The following SCML1 variants were observed in gnomAD, a reference collection of about 807,000 sequenced individuals.
SCML1 encodes the protein Scm polycomb group protein like 1, also known as sex comb on midleg-like protein 1.
For missense variants in SCML1, 137 were observed against 258.1 expected (o/e 0.53, Z 3.22); for synonymous variants, 104 against 103.6 (o/e 1.00, Z -0.02).
chrX:17,740,894 G>C (rs1184225011), intron 1 of SCML1, among the ~76,000 whole-genome samples: 2 of 112,378 alleles, frequency 1.8e-5, no homozygotes, highest in Non-Finnish European at 3.8e-5. Flanking sequence ...ATATGTACCA[G>C]AGATGTAAAC....
At chrX:17,746,767 C>T (rs1053572371) in intron 4 of SCML1, among the ~76,000 whole-genome samples, 1 of 111,581 alleles carries the variant, frequency 9.0e-6, no homozygotes. Flanking sequence ...GGTGCAGAGG[C>T]GAGCTGGGAA....
chrX:17,745,112 T>A (rs1416304380), intron 2 of SCML1: 2 of 134,391 alleles, frequency 1.5e-5, no homozygotes, highest in Non-Finnish European at 2.9e-5. Context: ...CACTGTTGGA[T>A]TATTTAGAAA....
intron 4 of SCML1, among the ~76,000 whole-genome samples, chrX:17,746,987 C>T (rs1305311070): frequency 3.6e-5 from 4 of 112,400 alleles, no homozygotes; most frequent in African/African-American, 1.3e-4. Context: ...AGAGGTGGCA[C>T]TCCAGCCTGC....
At chrX:17,753,038 T>G (rs996648835) in intron 7 of SCML1, among the ~76,000 whole-genome samples, 1 of 109,917 alleles carries the variant, frequency 9.1e-6, no homozygotes, top group African/African-American at 3.3e-5. Context: ...TTAAATTTCC[T>G]TTTTCTCAGA....
In SCML1 at chrX:17,751,799, C is replaced by T. The variant is rs1381851318; in HGVS notation, c.704-16C>T. 1 of 1,199,195 alleles carries T rather than the reference C, an allele frequency of 8.3e-7. No homozygotes were observed. Among genetic ancestry groups the T allele is most frequent in the Non-Finnish European group, 1.1e-6 (1 of 889,273 alleles). On this transcript the variant is annotated splice_polypyrimidine_tract_variant and intron_variant, in intron 6 of 7. Coordinates refer to ENST00000380041, the MANE Select transcript of SCML1 (RefSeq NM_001037540.3). ...TGTGATTTGTCTTTTTTTTCTTTTC[C>T]CCCTCTCCATTGAAGTTACAAGGTC... is the stretch of plus-strand genomic sequence containing the variant.
intron 7 of SCML1, among the ~76,000 whole-genome samples, chrX:17,752,583 T>C (rs2066721972): frequency 8.9e-6 from 1 of 112,356 alleles, no homozygotes; most frequent in South Asian, 3.7e-4. Flanking sequence ...TAAATAAAAT[T>C]TTATTTTTTA....
At position 17,750,194 on chromosome X, in the gene SCML1, A is replaced by G. The variant is rs1470435845; in HGVS notation, c.604A>G (p.Thr202Ala). The G allele has an allele frequency of 2.5e-6, 3 of 1,210,191 alleles. No homozygotes were observed. The African/African-American group carries it at 5.2e-5, about 21-fold the overall frequency. ...GCCGTATTATGCATCTGATGGTGCA[A>G]CGTATGGTTCTTCTTCAGGGCTCTG... ...CQPYYASDGA[T>A]YGSSSGLCLG... Residue 202 changes from threonine (T) to alanine (A), a missense_variant, in exon 6 of 8, where the codon ACG becomes GCG. Transcript: ENST00000380041.
At position 17,748,066 on chromosome X, in the gene SCML1, C is replaced by T. The variant is rs761382229; in HGVS notation, c.199-1334C>T. ...GCCCCCACTCTCAGAGTTCCAGGTT[C>T]CATAGGTCTGGGGTACAACCTGGCA... is the stretch of plus-strand genomic sequence containing the variant. On this transcript the variant is annotated intron_variant, in intron 4 of 7. Transcript: ENST00000380041. Among the ~76,000 whole-genome samples, 315 of 111,782 alleles carry T rather than the reference C, an allele frequency of 2.8e-3. 1 individual carries two copies. The highest frequency in any genetic ancestry group is 9.9e-3 in the African/African-American group (304 of 30,795).
chrX:17,745,828 G>T (rs986029423), intron 3 of SCML1, 190 bp from the exon 4 acceptor site: 3 of 326,650 alleles, frequency 9.2e-6, no homozygotes, highest in African/African-American at 5.5e-5. Flanking sequence ...TTCCTCAATT[G>T]TCAGTTTTTC....
At chrX:17,737,748 G>A (rs1289318556) in intron 1 of SCML1, 68 bp downstream of exon 1, 3 of 111,601 alleles carry the variant, frequency 2.7e-5, no homozygotes, top group African/African-American at 9.8e-5. Context: ...TTGGCTTAGG[G>A]GCCGGGGCTC....
At chrX:17,749,682 A>C (rs1384251122) in intron 5 of SCML1, 178 bp downstream of exon 5, 13 of 497,386 alleles carry the variant, frequency 2.6e-5, no homozygotes, top group Non-Finnish European at 4.3e-5. Context: ...TAGGTTTGAT[A>C]ATTTATGATG....
intron 7 of SCML1, among the ~76,000 whole-genome samples, chrX:17,752,752 A>G (rs1049689112): frequency 8.9e-6 from 1 of 111,745 alleles, no homozygotes; most frequent in East Asian, 2.8e-4. Flanking sequence ...GATTTTTAAT[A>G]TAGTAAGAAA....
intron 1 of SCML1, among the ~76,000 whole-genome samples, chrX:17,738,818 ATAAG>A (rs941249508): frequency 8.9e-6 from 1 of 112,850 alleles, no homozygotes; most frequent in Non-Finnish European, 1.9e-5. Flanking sequence ...TGTGGTAAAT[ATAAG>A]TGAGTTTCAT....
At chrX:17,743,935 T>A (rs1303521523) in intron 1 of SCML1, 136 bp from the exon 2 acceptor site, 1 of 308,792 alleles carries the variant, frequency 3.2e-6, no homozygotes, top group East Asian at 5.3e-5. Context: ...AAATTGGCCA[T>A]GGAAGAATTC....
chrX:17,742,582 C>T (rs1156924083), intron 1 of SCML1, among the ~76,000 whole-genome samples: 1 of 111,893 alleles, frequency 8.9e-6, no homozygotes, highest in Non-Finnish European at 1.9e-5. Flanking sequence ...TCTGGCTGAC[C>T]CCAACAGCCC....
In SCML1 at chrX:17,740,269, C is replaced by A. The variant is rs751895829; in HGVS notation, c.-117+2589C>A. On this transcript the variant is annotated intron_variant, in intron 1 of 7. Coordinates refer to ENST00000380041, the MANE Select transcript of SCML1 (RefSeq NM_001037540.3). ...TAAAGCCCAGCTCCTTGCATCATAC[C>A]CTGGTACCTAAAAGACATAAAAACT... Among the ~76,000 whole-genome samples, 21 of 111,422 alleles carry A rather than the reference C, an allele frequency of 1.9e-4. No individual in the cohort carries two copies. The South Asian group carries it at 7.6e-3, about 40-fold the overall frequency.
chrX:17,741,138 GACAA>G (rs2066591127), intron 1 of SCML1, among the ~76,000 whole-genome samples: 2 of 112,039 alleles, frequency 1.8e-5, no homozygotes, highest in Admixed American at 1.9e-4. Flanking sequence ...TTTTGTGGAA[GACAA>G]TTTTTCCACA....
chrX:17,737,563 C>G lies in SCML1; in HGVS notation c.-234C>G, dbSNP rs1413942947. 1 of 109,932 alleles carries G rather than the reference C, an allele frequency of 9.1e-6. No individual in the cohort carries two copies. The highest frequency in any genetic ancestry group is 3.3e-5 in the African/African-American group (1 of 30,318). The allele number at this position is 109,932 out of a possible 1,213,427, so 9.1% of individuals were successfully genotyped here. ...CCCGGTTTCCGGTGCCAGGACCTTT[C>G]CGAAGCGTCGAGTGGCCTAACGGTC... is the stretch of plus-strand genomic sequence containing the variant. On this transcript the variant is annotated 5_prime_UTR_variant, in exon 1 of 8. Coordinates refer to ENST00000380041, the MANE Select transcript of SCML1 (RefSeq NM_001037540.3).
In SCML1 at chrX:17,750,162, A is replaced by G; in HGVS notation, c.572A>G (p.Asn191Ser). The G allele has an allele frequency of 8.3e-7, 1 of 1,211,688 alleles. No homozygotes were observed. The highest frequency in any genetic ancestry group is 1.1e-6 in the Non-Finnish European group (1 of 895,463). Residue 191 changes from asparagine to serine, a missense_variant, in exon 6 of 8, where the codon AAT becomes AGT. Transcript: ENST00000380041. ...PVHPSDFSEH[N>S]CQPYYASDGA... The stretch of plus-strand genomic sequence containing the variant: ...CATCCCTCAGATTTCTCTGAGCATA[A>G]TTGTCAGCCGTATTATGCATCTGAT...
Sources: gnomAD v4.1 joint callset for allele counts (sites outside exome capture counted in the v4.1 genomes callset) on GRCh38, gnomAD v4.1.1 for gene constraint, MANE v1.5 for transcripts, NCBI Gene and HGNC (gene_info 2026-07-23, HGNC 2026-07-21) for gene names.